The following SCARA3 variants were observed in gnomAD, a reference collection of about 807,000 sequenced individuals.
The protein encoded by SCARA3 is scavenger receptor class A member 3, also known as cellular stress response gene protein.
Under a neutral mutation model 47.0 loss-of-function variants are expected in SCARA3, and 39 were observed. The ratio of observed to expected loss-of-function variants is 0.83; its 90% CI spans 0.64 to 1.08. The LOEUF (loss-of-function observed/expected upper bound fraction) is 1.08, where lower values mean the gene tolerates loss of function less well. Among genes scored for constraint, SCARA3 ranks in the 50% least tolerant of loss-of-function variants. SCARA3 has a pLI of 0.00. For synonymous variants in SCARA3, 356 were observed against 334.1 expected, an observed-to-expected ratio of 1.07 and a Z score of -0.71; for missense variants, 724 against 792.3, an observed-to-expected ratio of 0.91 and a Z score of 1.04.
chr8:27,667,544 T>A (rs1254523412), intron 5 of SCARA3, among the ~76,000 whole-genome samples: 2 of 152,118 alleles, frequency 1.3e-5, no homozygotes, highest in Non-Finnish European at 2.9e-5. Flanking sequence ...GCCTCTCGGG[T>A]CTGGATTGGA....
the SCARA3 span, among the ~76,000 whole-genome samples, chr8:27,715,646 C>T: frequency 6.6e-6 from 1 of 151,806 alleles, no homozygotes; most frequent in African/African-American, 2.4e-5. The surrounding 1 kb of genome is among the most constrained non-coding windows in gnomAD (Gnocchi z 4.2). Context: ...CACACACAGA[C>T]AGATAGACAC....
the SCARA3 span, among the ~76,000 whole-genome samples, chr8:27,706,387 G>A: frequency 3.9e-5 from 6 of 152,006 alleles, no homozygotes; most frequent in African/African-American, 1.4e-4. Flanking sequence ...TCCTGACCTC[G>A]AGTGATCTGC....
chr8:27,721,468 T>C, the SCARA3 span, among the ~76,000 whole-genome samples: 1 of 152,046 alleles, frequency 6.6e-6, no homozygotes, highest in Admixed American at 6.6e-5. Context: ...ATGTCATGGA[T>C]AAAAATAAAG....
the SCARA3 span, among the ~76,000 whole-genome samples, chr8:27,684,970 G>T: frequency 1.3e-5 from 2 of 152,006 alleles, no homozygotes; most frequent in African/African-American, 4.8e-5. Context: ...AAAGAAAGTA[G>T]AAAGGAAATA....
chr8:27,668,346 C>T (rs1175523014), intron 5 of SCARA3, among the ~76,000 whole-genome samples: 3 of 151,260 alleles, frequency 2.0e-5, no homozygotes, highest in Non-Finnish European at 4.4e-5. Flanking sequence ...CGAGACCATC[C>T]TGGCTAACAA....
downstream of SCARA3, chr8:27,673,098 G>A: frequency 1.4e-6 from 1 of 690,578 alleles, no homozygotes; most frequent in Non-Finnish European, 1.8e-6. Context: ...GCCTCTGAAG[G>A]AGAACCAGTG....
chr8:27,697,212 G>A, the SCARA3 span: 150 of 217,530 alleles, frequency 6.9e-4, 3 homozygotes, highest in East Asian at 0.016. Flanking sequence ...TGGTGGATGG[G>A]GCCTCAGCAG....
the SCARA3 span, among the ~76,000 whole-genome samples, chr8:27,720,738 A>G: frequency 5.6e-4 from 85 of 150,854 alleles, 1 homozygote; most frequent in East Asian, 5.3e-3. Context: ...CTATTTATCC[A>G]CTCGTCCATC....
chr8:27,633,900 G>A (rs1163312515), upstream of SCARA3: 2 of 155,746 alleles, frequency 1.3e-5, no homozygotes, highest in Non-Finnish European at 2.8e-5. Flanking sequence ...AGGGGCGGCG[G>A]CAGACCTCGC....
intron 1 of SCARA3, among the ~76,000 whole-genome samples, chr8:27,648,847 G>A (rs1293179838): frequency 6.7e-5 from 10 of 149,654 alleles, no homozygotes; most frequent in African/African-American, 2.2e-4. Flanking sequence ...GAGGGAGAGA[G>A]AAGGAAAGGA....
downstream of SCARA3, among the ~76,000 whole-genome samples, chr8:27,675,242 G>A (rs746355615): frequency 7.2e-5 from 11 of 152,180 alleles, no homozygotes; most frequent in Non-Finnish European, 1.2e-4. Context: ...CTTCTGTTGC[G>A]CCAGCCCTGG....
At chr8:27,641,516 G>A (rs1801381694) in intron 1 of SCARA3, among the ~76,000 whole-genome samples, 1 of 152,228 alleles carries the variant, frequency 6.6e-6, no homozygotes, top group Admixed American at 6.5e-5. Context: ...CTCTCCTGCA[G>A]CTCCAGGCTT....
chr8:27,674,738 T>TC (rs966391982), downstream of SCARA3, among the ~76,000 whole-genome samples: 3 of 146,652 alleles, frequency 2.0e-5, no homozygotes, highest in Admixed American at 6.8e-5. Context: ...TTTTTTTTTT[T>TC]TTTTTTTTTG....
the SCARA3 span, among the ~76,000 whole-genome samples, chr8:27,695,630 A>C: frequency 6.6e-6 from 1 of 152,224 alleles, no homozygotes; most frequent in African/African-American, 2.4e-5. Flanking sequence ...TCAAAGAACT[A>C]AAGGAAAATA....
the SCARA3 span, among the ~76,000 whole-genome samples, chr8:27,707,500 A>T: frequency 6.6e-6 from 1 of 151,760 alleles, no homozygotes; most frequent in East Asian, 1.9e-4. Flanking sequence ...CATTCAACAG[A>T]AAGGCCAGAA....
intron 4 of SCARA3, among the ~76,000 whole-genome samples, chr8:27,658,060 C>T (rs1801780675): frequency 6.6e-6 from 1 of 152,156 alleles, no homozygotes; most frequent in Admixed American, 6.5e-5. Flanking sequence ...GGTCTGGCAC[C>T]AATATACGTG....
chr8:27,680,167 A>T (rs1321131223), downstream of SCARA3, among the ~76,000 whole-genome samples: 1 of 152,092 alleles, frequency 6.6e-6, no homozygotes, highest in Non-Finnish European at 1.5e-5. Flanking sequence ...CACTTTAATA[A>T]GATAGAAAAA....
the SCARA3 span, among the ~76,000 whole-genome samples, chr8:27,723,565 G>A: frequency 1.3e-5 from 2 of 152,034 alleles, no homozygotes; most frequent in African/African-American, 2.4e-5. Context: ...TGTCCCAGTC[G>A]ATCCCTTCTC....
downstream of SCARA3, chr8:27,676,813 A>G (rs1193933499): frequency 2.4e-6 from 1 of 423,706 alleles, no homozygotes; most frequent in Non-Finnish European, 4.2e-6. Flanking sequence ...ATGTGATTAA[A>G]ATATTTGGAC....
Sources: gnomAD v4.1 joint callset for allele counts (sites outside exome capture counted in the v4.1 genomes callset) on GRCh38, gnomAD v4.1.1 for gene constraint, Gnocchi (gnomAD v3.1) non-coding constraint, MANE v1.5 for transcripts, NCBI Gene and HGNC (gene_info 2026-07-23, HGNC 2026-07-21) for gene names.